The following MERTK variants were observed in gnomAD, a reference collection of about 807,000 sequenced individuals.
MERTK encodes tyrosine-protein kinase Mer.
A neutral mutation model predicts 99.3 loss-of-function variants in MERTK; 69 were observed. The ratio of observed to expected loss-of-function variants is 0.70; its 90% CI spans 0.57 to 0.85. The LOEUF (loss-of-function observed/expected upper bound fraction) is 0.85, where lower values mean the gene tolerates loss of function less well. Ranked by LOEUF, MERTK falls within the 40% of genes least tolerant of loss-of-function variation. The pLI is 0.00. For missense variants in MERTK, 1,125 were observed against 1,249.4 expected (o/e 0.90, Z 1.50); for synonymous variants, 426 against 467.6 (o/e 0.91, Z 1.15).
At chr2:111,904,957 C>T (rs1049764055) in intron 1 of MERTK, among the ~76,000 whole-genome samples, 6 of 152,182 alleles carry the variant, frequency 3.9e-5, no homozygotes, top group African/African-American at 1.2e-4. Context: ...AACCCGTGAC[C>T]GGAGTTAAAC....
At chr2:112,007,141 A>G (rs1342124365) in intron 13 of MERTK, among the ~76,000 whole-genome samples, 1 of 152,066 alleles carries the variant, frequency 6.6e-6, no homozygotes, top group Non-Finnish European at 1.5e-5. Flanking sequence ...ACTACCATCC[A>G]TCTCCAAAAC....
At chr2:112,004,234 GCTCT>G (rs1408119570) in intron 13 of MERTK, among the ~76,000 whole-genome samples, 1 of 151,852 alleles carries the variant, frequency 6.6e-6, no homozygotes, top group African/African-American at 2.4e-5. Flanking sequence ...TGTCTGTCTT[GCTCT>G]CTCTCCTTCT....
At chr2:111,912,635 T>C (rs1227343898) in intron 1 of MERTK, among the ~76,000 whole-genome samples, 1 of 152,194 alleles carries the variant, frequency 6.6e-6, no homozygotes, top group African/African-American at 2.4e-5. Context: ...ATGGGAGATC[T>C]GGACTAAGAT....
chr2:111,944,664 C>T (rs975829418), intron 2 of MERTK, among the ~76,000 whole-genome samples: 6 of 152,092 alleles, frequency 3.9e-5, no homozygotes, highest in Admixed American at 3.3e-4. Context: ...CCCTGGGGAC[C>T]TCTGTCTTTT....
intron 4 of MERTK, among the ~76,000 whole-genome samples, chr2:111,959,884 T>C (rs1404975016): frequency 6.6e-6 from 1 of 152,168 alleles, no homozygotes. Flanking sequence ...AATTAGAAAT[T>C]AAAACTGAAA....
In MERTK at chr2:111,994,350, A is replaced by G. The variant is rs571358159; in HGVS notation, c.1396A>G (p.Arg466Gly). ...TCTVRIAAVT[R>G]GGVGPFSDPV... ...CACAGTGAGGATTGCAGCCGTCACC[A>G]GAGGGGGAGTTGGGCCCTTCAGTGA... The change falls in exon 9 of 19, where the codon AGA becomes GGA. Residue 466 changes from arginine to glycine, a missense_variant. By Grantham distance (125) the Arg-to-Gly change is moderately radical (BLOSUM62 -2). Transcript: ENST00000295408. 84 of 1,614,144 alleles carry G rather than the reference A, an allele frequency of 5.2e-5. No individual in the cohort carries two copies. The African/African-American group carries it at 5.9e-4, about 11-fold the overall frequency.
At position 112,007,923 on chromosome 2, in the gene MERTK, A is replaced by T. The variant is rs75572747; in HGVS notation, c.1868-460A>T. On this transcript the variant is annotated intron_variant, in intron 13 of 18. Coordinates refer to ENST00000295408, the MANE Select transcript of MERTK (RefSeq NM_006343.3). ...TTGTAGAGCAGTTTCAGGTTTGCAG[A>T]AAAATTGGGCAGAAAGTACAGAGAA... Among the ~76,000 whole-genome samples, 470 of 152,108 alleles carry T rather than the reference A, an allele frequency of 3.1e-3. 3 individuals are homozygous for T. Among genetic ancestry groups the T allele is most frequent in the African/African-American group, 0.011 (446 of 41,464 alleles).
intron 1 of MERTK, among the ~76,000 whole-genome samples, chr2:111,906,754 A>G (rs1404662966): frequency 6.6e-6 from 1 of 152,268 alleles, no homozygotes; most frequent in Non-Finnish European, 1.5e-5. Context: ...AATAAAAAAA[A>G]GAAGCTTTTT....
At chr2:112,017,627 C>A (rs1339821684) in intron 15 of MERTK, among the ~76,000 whole-genome samples, 2 of 107,700 alleles carry the variant, frequency 1.9e-5, no homozygotes, top group East Asian at 4.2e-4. Flanking sequence ...AGCACGACTT[C>A]GTCTCAAAAA....
At position 111,947,423 on chromosome 2, in the gene MERTK, A is replaced by G. The variant is rs200198573; in HGVS notation, c.613A>G (p.Ser205Gly). Residue 205 changes from serine to glycine, a missense_variant, in exon 4 of 19, where the codon AGC becomes GGC. By Grantham distance (56) the Ser-to-Gly change is moderately conservative. Transcript: ENST00000295408. ...TCCTCACTTTACTAAGCAGCCTGAGAGCATGAATGTCACCAGAAACACAGC... is the reference window on the plus strand; with the variant it reads ...TCCTCACTTTACTAAGCAGCCTGAGGGCATGAATGTCACCAGAAACACAGC... Reference protein sequence around the residue: ...GLPHFTKQPESMNVTRNTAFN... With the variant: ...GLPHFTKQPEGMNVTRNTAFN... 1 of 1,614,120 alleles carries G rather than the reference A, an allele frequency of 6.2e-7. No individual in the cohort carries two copies. Among genetic ancestry groups the G allele is most frequent in the Non-Finnish European group, 8.5e-7 (1 of 1,180,020 alleles).
rs1001912753 is a variant in MERTK at position 111,920,747 on chromosome 2, G to A, written c.62-8373G>A. Among the ~76,000 whole-genome samples, 16 of 150,910 alleles carry A rather than the reference G, an allele frequency of 1.1e-4. No homozygotes were observed. In the South Asian group the frequency reaches 2.3e-3, roughly 22 times the overall value. On this transcript the variant is annotated intron_variant, in intron 1 of 18. Coordinates refer to ENST00000295408, the MANE Select transcript of MERTK (RefSeq NM_006343.3). ...CAGCTCACTGCAACTTCTGCCTCCC[G>A]GGTTCAAGCAATTCTCCCTGCCTCA...
At chr2:112,004,116 G>T (rs1397406906) in intron 13 of MERTK, 132 bp downstream of exon 13, 9 of 752,980 alleles carry the variant, frequency 1.2e-5, no homozygotes, top group Non-Finnish European at 2.2e-5. Context: ...TGGTCACCAA[G>T]GGGGACTTAC....
At chr2:112,010,757 A>G (rs1188829119) in intron 15 of MERTK, among the ~76,000 whole-genome samples, 2 of 152,206 alleles carry the variant, frequency 1.3e-5, no homozygotes, top group Non-Finnish European at 2.9e-5. Flanking sequence ...AAACAAAAAC[A>G]GTATCCTCCT....
At chr2:111,972,287 C>T (rs1356575817) in intron 6 of MERTK, among the ~76,000 whole-genome samples, 5 of 152,120 alleles carry the variant, frequency 3.3e-5, no homozygotes, top group African/African-American at 4.8e-5. Flanking sequence ...AAGCATGGGC[C>T]AGCCCTTTTT....
chr2:111,937,009 G>A (rs1379790478), intron 2 of MERTK, among the ~76,000 whole-genome samples: 1 of 152,046 alleles, frequency 6.6e-6, no homozygotes, highest in Non-Finnish European at 1.5e-5. Flanking sequence ...ACCAAAAACT[G>A]GTGGGAGTCT....
chr2:112,024,522 C>T (rs1186412624), intron 18 of MERTK, among the ~76,000 whole-genome samples: 1 of 152,188 alleles, frequency 6.6e-6, no homozygotes. Flanking sequence ...GTGCTGTGGC[C>T]TCGGGGCCCC....
chr2:111,970,829 C>CCTCCTCCTTCTCCTCCTT (rs1234199986), intron 6 of MERTK, among the ~76,000 whole-genome samples: 1 of 115,170 alleles, frequency 8.7e-6, no homozygotes, highest in African/African-American at 3.4e-5. Context: ...CCTCCTCCTC[C>CCTCCTCCTTCTCCTCCTT]CTCCTCCTTC....
chr2:111,906,472 G>A (rs989461590), intron 1 of MERTK, among the ~76,000 whole-genome samples: 3 of 152,346 alleles, frequency 2.0e-5, no homozygotes, highest in Admixed American at 6.5e-5. Flanking sequence ...AGAACAGGCT[G>A]TCTTAGTGGA....
intron 1 of MERTK, among the ~76,000 whole-genome samples, chr2:111,906,513 G>A (rs1684138848): frequency 6.6e-6 from 1 of 152,196 alleles, no homozygotes; most frequent in African/African-American, 2.4e-5. Context: ...AAACTTAACT[G>A]AAAGTTGTTT....
Sources: gnomAD v4.1 joint callset for allele counts (sites outside exome capture counted in the v4.1 genomes callset) on GRCh38, gnomAD v4.1.1 for gene constraint, MANE v1.5 for transcripts, NCBI Gene and HGNC (gene_info 2026-07-23, HGNC 2026-07-21) for gene names.